The following CSRNP3 variants were observed in gnomAD, a reference collection of about 807,000 sequenced individuals.
CSRNP3 encodes cysteine and serine rich nuclear protein 3, also known as cysteine/serine-rich nuclear protein 3.
In CSRNP3, 12 loss-of-function variants were observed where a neutral mutation model predicts 48.0. The ratio of observed to expected loss-of-function variants is 0.25; its 90% CI spans 0.16 to 0.41. CSRNP3 has a LOEUF of 0.41. CSRNP3 is among the 10% of genes least tolerant of loss of function. The pLI is 1.00. For synonymous variants in CSRNP3, 263 were observed against 269.7 expected (o/e 0.98, Z 0.24); for missense variants, 580 against 724.4 (o/e 0.80, Z 2.29).
chr2:165,679,717 C>T lies in CSRNP3; in HGVS notation c.1722C>T (p.Cys574=). The T allele has an allele frequency of 1.2e-6, 2 of 1,613,826 alleles. No individual in the cohort carries two copies. The highest frequency in any genetic ancestry group is 2.2e-5 in the East Asian group (1 of 44,858). The change falls in exon 7 of 7, where the codon TGC becomes TGT. Residue 574 remains cysteine (C), a synonymous_variant. Coordinates refer to ENST00000651982, the MANE Select transcript of CSRNP3 (RefSeq NM_001172173.2). ...LAEKSILHEE[C]IKSPVVETVP... is the part of the protein sequence containing the mutation. ...AAAAGAGCATATTGCATGAAGAGTG[C>T]ATCAAATCACCCGTGGTTGAGACAG...
rs967579365 is a variant in CSRNP3, at chr2:165,687,682, C to T, written c.*7929C>T. ...TGTCCTTGTGTTATTTAAACAATGGCTTCCTGCTTTCTCAGGGGTCAGGAA... is the reference window on the plus strand; with the variant it reads ...TGTCCTTGTGTTATTTAAACAATGGTTTCCTGCTTTCTCAGGGGTCAGGAA... On this transcript the variant is annotated 3_prime_UTR_variant, in exon 7 of 7. Coordinates refer to ENST00000651982, the MANE Select transcript of CSRNP3 (RefSeq NM_001172173.2). 3.3e-5 allele frequency: 5 copies of T among 152,034 alleles called. No individual in the cohort carries two copies. Among genetic ancestry groups the T allele is most frequent in the African/African-American group, 1.2e-4 (5 of 41,418 alleles). The allele number at this position is 152,034 out of a possible 1,614,324, so 9.4% of individuals were successfully genotyped here.
chr2:165,601,346 T>C (rs921045934), intron 4 of CSRNP3, among the ~76,000 whole-genome samples: 3 of 152,198 alleles, frequency 2.0e-5, no homozygotes, highest in Non-Finnish European at 2.9e-5. Flanking sequence ...GAACACATTA[T>C]GTCTCTTGAA....
intron 3 of CSRNP3, among the ~76,000 whole-genome samples, chr2:165,584,132 C>G (rs1685590333): frequency 6.6e-6 from 1 of 152,126 alleles, no homozygotes; most frequent in Non-Finnish European, 1.5e-5. Context: ...ATATTATTAT[C>G]TTTAAAGCAA....
At chr2:165,565,226 T>C (rs954673924) in intron 3 of CSRNP3, among the ~76,000 whole-genome samples, 3 of 152,138 alleles carry the variant, frequency 2.0e-5, no homozygotes, top group African/African-American at 7.2e-5. Flanking sequence ...CTTCTCTCTG[T>C]TCTTAATACC....
At chr2:165,491,913 C>A in intron 1 of CSRNP3, among the ~76,000 whole-genome samples, 1 of 134,854 alleles carries the variant, frequency 7.4e-6, no homozygotes, top group African/African-American at 2.8e-5. Context: ...AACTAACCTG[C>A]ACAATGTACA....
intron 4 of CSRNP3, among the ~76,000 whole-genome samples, chr2:165,601,279 T>C (rs1258270837): frequency 6.6e-6 from 1 of 152,178 alleles, no homozygotes; most frequent in Non-Finnish European, 1.5e-5. Flanking sequence ...CCTCTCAAGG[T>C]TCTTGGCACT....
At chr2:165,559,459 A>T (rs1685201921) in intron 3 of CSRNP3, among the ~76,000 whole-genome samples, 1 of 152,190 alleles carries the variant, frequency 6.6e-6, no homozygotes, top group African/African-American at 2.4e-5. Context: ...AACTGATAAA[A>T]CTTTAAATAC....
intron 5 of CSRNP3, among the ~76,000 whole-genome samples, chr2:165,660,296 A>G (rs1361868235): frequency 6.6e-6 from 1 of 152,248 alleles, no homozygotes; most frequent in Non-Finnish European, 1.5e-5. Flanking sequence ...GACCCAGTGG[A>G]ATAGGTAAAT....
At position 165,684,012 on chromosome 2, in the gene CSRNP3, A is replaced by G. The variant is rs1447991923; in HGVS notation, c.*4259A>G. The G allele has an allele frequency of 6.6e-6, 1 of 152,132 alleles. No individual in the cohort carries two copies. Among genetic ancestry groups the G allele is most frequent in the Non-Finnish European group, 1.5e-5 (1 of 67,988 alleles). The allele number at this position is 152,132 out of a possible 1,614,324, so 9.4% of individuals were successfully genotyped here. A position where few individuals can be genotyped will look rare whatever the true frequency, so the allele number is the denominator to read the frequency against. ...ATTGCTTCTTCAATGTTAGACCTAT[A>G]TAAGTGATGCTAAATTTACACCAGC... On this transcript the variant is annotated 3_prime_UTR_variant, in exon 7 of 7. Transcript: ENST00000651982.
At chr2:165,614,097 T>A (rs1411868194) in intron 4 of CSRNP3, among the ~76,000 whole-genome samples, 5 of 152,120 alleles carry the variant, frequency 3.3e-5, no homozygotes, top group Admixed American at 3.3e-4. Flanking sequence ...TCAATGTCTT[T>A]TCATCACACC....
chr2:165,497,920 G>C (rs1234665466), intron 2 of CSRNP3, among the ~76,000 whole-genome samples: 1 of 152,064 alleles, frequency 6.6e-6, no homozygotes, highest in East Asian at 1.9e-4. Context: ...CTTATAAATA[G>C]AATGAATCTA....
intron 3 of CSRNP3, among the ~76,000 whole-genome samples, chr2:165,548,735 G>A (rs1024908415): frequency 6.6e-6 from 1 of 151,926 alleles, no homozygotes; most frequent in South Asian, 2.1e-4. Context: ...AAATCTACCA[G>A]GAACCAGTCT....
chr2:165,569,670 A>T (rs1200023994), intron 3 of CSRNP3, among the ~76,000 whole-genome samples: 1 of 151,972 alleles, frequency 6.6e-6, no homozygotes, highest in Non-Finnish European at 1.5e-5. Flanking sequence ...TTTCATATTT[A>T]AAAAATTCTT....
At chr2:165,593,214 G>C (rs1685751391) in intron 3 of CSRNP3, among the ~76,000 whole-genome samples, 1 of 152,182 alleles carries the variant, frequency 6.6e-6, no homozygotes, top group Non-Finnish European at 1.5e-5. Context: ...AAAGGTCAAA[G>C]AAGAGATTTT....
At chr2:165,589,278 A>G (rs1685679814) in intron 3 of CSRNP3, among the ~76,000 whole-genome samples, 1 of 152,238 alleles carries the variant, frequency 6.6e-6, no homozygotes, top group Admixed American at 6.5e-5. Flanking sequence ...GATATAGAAG[A>G]AAACCACATC....
intron 5 of CSRNP3, among the ~76,000 whole-genome samples, chr2:165,674,770 G>A (rs917245006): frequency 1.4e-5 from 2 of 147,730 alleles, no homozygotes; most frequent in African/African-American, 5.1e-5. Flanking sequence ...GGAATGCAGT[G>A]GTGCAATCAT....
chr2:165,579,778 A>G (rs1031407248), intron 3 of CSRNP3, among the ~76,000 whole-genome samples: 4 of 152,194 alleles, frequency 2.6e-5, no homozygotes, highest in Non-Finnish European at 5.9e-5. Flanking sequence ...ATTTAGTCGC[A>G]ACGTTTTCCA....
At chr2:165,585,327 T>A (rs1189323205) in intron 3 of CSRNP3, among the ~76,000 whole-genome samples, 1 of 152,004 alleles carries the variant, frequency 6.6e-6, no homozygotes, top group Non-Finnish European at 1.5e-5. Context: ...GACCATCTGG[T>A]TGATAATTTG....
At chr2:165,595,282 T>C in intron 4 of CSRNP3, 69 bp downstream of exon 4, 1 of 1,398,354 alleles carries the variant, frequency 7.2e-7, no homozygotes, top group East Asian at 2.3e-5. Flanking sequence ...GTCATTTTTA[T>C]TTTTACCTTT....
Sources: allele counts gnomAD v4.1 joint callset (sites outside exome capture counted in the v4.1 genomes callset), GRCh38; gene constraint gnomAD v4.1.1; transcripts MANE v1.5; gene names NCBI Gene and HGNC (gene_info 2026-07-23, HGNC 2026-07-21).